C3orf20: variants seen among roughly 807,000 people sequenced by gnomAD.
C3orf20 encodes the protein family with sequence similarity 149 member C.
A neutral mutation model predicts 88.3 loss-of-function variants in C3orf20; 76 were observed. The ratio of observed to expected loss-of-function variants is 0.86; its 90% confidence interval spans 0.72 to 1.04. The LOEUF (loss-of-function observed/expected upper bound fraction) is 1.04. C3orf20 is among the 50% of genes least tolerant of loss of function. The pLI is 0.00. For synonymous variants in C3orf20, 436 were observed against 437.4 expected (o/e 1.00, Z 0.04); for missense variants, 1,056 against 1,123.3 (o/e 0.94, Z 0.86).
chr3:14,744,578 C>T (rs540481961), intron 12 of C3orf20, among the ~76,000 whole-genome samples: 6 of 151,866 alleles, frequency 4.0e-5, no homozygotes, highest in Non-Finnish European at 7.4e-5. Context: ...TGTATTAGTT[C>T]GTTTTCACAC....
At chr3:14,741,410 A>G (rs1289720039) in intron 12 of C3orf20, among the ~76,000 whole-genome samples, 2 of 152,150 alleles carry the variant, frequency 1.3e-5, no homozygotes, top group Admixed American at 1.3e-4. Context: ...TGAAAGGTAA[A>G]AGAGTTCTAA....
intron 1 of C3orf20, among the ~76,000 whole-genome samples, chr3:14,681,573 G>T (rs2124880706): frequency 6.6e-6 from 1 of 152,294 alleles, no homozygotes; most frequent in East Asian, 1.9e-4. Context: ...AGTCTCCCTG[G>T]GGTTGACCTT....
intron 7 of C3orf20, among the ~76,000 whole-genome samples, chr3:14,707,922 C>T (rs9822332): frequency 7.5e-5 from 11 of 147,032 alleles, no homozygotes; most frequent in South Asian, 2.1e-4. Flanking sequence ...TGGGTTCAAG[C>T]GATTCTTCTG....
intron 13 of C3orf20, among the ~76,000 whole-genome samples, chr3:14,758,868 G>T (rs1243010641): frequency 6.6e-6 from 1 of 152,214 alleles, no homozygotes; most frequent in Non-Finnish European, 1.5e-5. Context: ...GTTTTCCAGA[G>T]CCAACCTCCA....
intron 12 of C3orf20, among the ~76,000 whole-genome samples, chr3:14,752,612 A>G (rs1170313047): frequency 2.0e-5 from 3 of 152,226 alleles, no homozygotes; most frequent in African/African-American, 4.8e-5. Context: ...AATATCCAGA[A>G]TCTACAAAGA....
chr3:14,721,770 G>A lies in C3orf20; in HGVS notation c.1552G>A (p.Ala518Thr). Residue 518 changes from alanine to threonine, a missense_variant, in exon 10 of 17, where the codon GCA becomes ACA. Transcript: ENST00000253697. ...GGCCAACAATTGTCCCCATGGAATG[G>A]CATATGACAAACGGGTAAGGCAAGG... is the stretch of plus-strand genomic sequence containing the variant. ...VSANNCPHGM[A>T]YDKRLNRRIS... is the part of the protein sequence containing the mutation. 1 of 1,614,146 alleles carries A rather than the reference G, an allele frequency of 6.2e-7. No homozygotes were observed. The highest frequency in any genetic ancestry group is 8.5e-7 in the Non-Finnish European group (1 of 1,180,018).
At chr3:14,764,950 T>C (rs1263983863) in intron 15 of C3orf20, 1 of 152,160 alleles carries the variant, frequency 6.6e-6, no homozygotes, top group African/African-American at 2.4e-5. Flanking sequence ...TTTGTGGACA[T>C]GTTTGAAAAG....
At chr3:14,733,010 G>A (rs1322194076) in intron 12 of C3orf20, among the ~76,000 whole-genome samples, 1 of 152,130 alleles carries the variant, frequency 6.6e-6, no homozygotes, top group African/African-American at 2.4e-5. Flanking sequence ...TCTAGACTCT[G>A]TTTTGTTAAT....
chr3:14,691,650 G>A (rs933667231), intron 5 of C3orf20, among the ~76,000 whole-genome samples: 10 of 152,004 alleles, frequency 6.6e-5, no homozygotes, highest in Non-Finnish European at 5.9e-5. Flanking sequence ...GGGGATAGTC[G>A]GTATATATGT....
At chr3:14,678,200 A>C (rs1453560843) in intron 1 of C3orf20, among the ~76,000 whole-genome samples, 2 of 152,162 alleles carry the variant, frequency 1.3e-5, no homozygotes, top group African/African-American at 4.8e-5. Flanking sequence ...ACAATTACTG[A>C]GCATTCAACT....
intron 1 of C3orf20, among the ~76,000 whole-genome samples, chr3:14,677,362 C>T (rs1211597394): frequency 6.6e-6 from 1 of 152,126 alleles, no homozygotes; most frequent in Non-Finnish European, 1.5e-5. Context: ...CCTTGATTTT[C>T]CTGAAGCTCA....
intron 9 of C3orf20, among the ~76,000 whole-genome samples, chr3:14,716,976 A>T (rs1386126280): frequency 6.6e-6 from 1 of 152,146 alleles, no homozygotes; most frequent in Admixed American, 6.5e-5. Context: ...ACCTTTTCAT[A>T]GTTGTATGAA....
intron 5 of C3orf20, among the ~76,000 whole-genome samples, chr3:14,696,098 G>A (rs1464411476): frequency 6.8e-6 from 1 of 147,112 alleles, no homozygotes; most frequent in Non-Finnish European, 1.5e-5. Context: ...GATTTTCTCT[G>A]GTGATATGAT....
chr3:14,726,476 C>T (rs375685568), intron 10 of C3orf20, among the ~76,000 whole-genome samples: 14 of 152,306 alleles, frequency 9.2e-5, no homozygotes, highest in African/African-American at 2.9e-4. Flanking sequence ...CACTTACTCA[C>T]GAATGCAATA....
intron 15 of C3orf20, among the ~76,000 whole-genome samples, chr3:14,769,549 G>C (rs1368516134): frequency 6.6e-6 from 1 of 152,188 alleles, no homozygotes; most frequent in African/African-American, 2.4e-5. Context: ...GTGGAGGCAG[G>C]AGGGGTAGGC....
Position 14,714,101 on chromosome 3 carries a change from T to C in C3orf20, c.1255T>C (p.Leu419=). 1 of 1,614,120 alleles carries C rather than the reference T, an allele frequency of 6.2e-7. No homozygotes were observed. The highest frequency in any genetic ancestry group is 1.3e-5 in the African/African-American group (1 of 75,038). The part of the protein sequence containing the change: ...CLFNDIPGFS[L]LALFNTEGQG... ...CTTTAATGACATACCTGGATTCTCC[T>C]TGCTGGCCCTATTCAATACTGAAGG... Residue 419 remains leucine, a synonymous_variant, in exon 8 of 17, where the codon TTG becomes CTG. Coordinates refer to ENST00000253697, the MANE Select transcript of C3orf20 (RefSeq NM_032137.5).
At chr3:14,698,060 T>A (rs879824443) in intron 5 of C3orf20, among the ~76,000 whole-genome samples, 1 of 152,180 alleles carries the variant, frequency 6.6e-6, no homozygotes, top group Non-Finnish European at 1.5e-5. Flanking sequence ...TTATAATCCT[T>A]TAGGTATATA....
At chr3:14,684,422 A>G in intron 4 of C3orf20, 40 bp downstream of exon 4, 2 of 1,600,914 alleles carry the variant, frequency 1.2e-6, no homozygotes, top group East Asian at 2.2e-5. Context: ...AGAAGTGCAA[A>G]CAATATCAGC....
intron 15 of C3orf20, among the ~76,000 whole-genome samples, chr3:14,764,663 G>A (rs552167171): frequency 5.3e-5 from 8 of 152,144 alleles, no homozygotes; most frequent in South Asian, 2.1e-4. Context: ...CAAGGTTTGC[G>A]CACTCCCATA....
Sources: gnomAD v4.1 joint callset for allele counts (sites outside exome capture counted in the v4.1 genomes callset) on GRCh38, gnomAD v4.1.1 for gene constraint, MANE v1.5 for transcripts, NCBI Gene and HGNC (gene_info 2026-07-23, HGNC 2026-07-21) for gene names.